TRIP12: variants seen among roughly 807,000 people sequenced by gnomAD.
TRIP12 encodes E3 ubiquitin-protein ligase TRIP12.
A neutral mutation model predicts 244.2 loss-of-function variants in TRIP12; 25 were observed. The ratio of observed to expected loss-of-function variants is 0.10; its 90% CI spans 0.07 to 0.14. The LOEUF (loss-of-function observed/expected upper bound fraction) is 0.14, where lower values mean the gene tolerates loss of function less well. TRIP12 is among the 10% of genes least tolerant of loss of function. TRIP12 has a pLI of 1.00. For missense variants in TRIP12, 1,677 were observed against 2,486.4 expected (o/e 0.67, Z 6.92); for synonymous variants, 905 against 873.1 (o/e 1.04, Z -0.64).
intron 2 of TRIP12, among the ~76,000 whole-genome samples, chr2:229,864,043 AGAGAGTGT>A (rs1465524020): frequency 0.022 from 1,576 of 71,834 alleles, 24 homozygotes; most frequent in African/African-American, 0.074. Flanking sequence ...AGAGAGAGAG[AGAGAGTGT>A]GTGTGTGTGT....
Position 229,809,252 on chromosome 2 carries a change from T to C in TRIP12, c.2222-883A>G, listed in dbSNP as rs201704655. On this transcript the variant is annotated intron_variant, in intron 15 of 41. Transcript: ENST00000675903. ...TAAGATTTTTTTTTTAATTACAGTT[T>C]TGCAACTTTATAGAGAAGTTTGAAT... Among the ~76,000 whole-genome samples, 9 of 152,316 alleles carry C rather than the reference T, an allele frequency of 5.9e-5. No individual in the cohort carries two copies. In the East Asian group the frequency reaches 1.3e-3, roughly 23 times the overall value.
At chr2:229,781,105 G>A (rs913273297) in intron 34 of TRIP12, among the ~76,000 whole-genome samples, 3 of 152,184 alleles carry the variant, frequency 2.0e-5, no homozygotes, top group Non-Finnish European at 4.4e-5. Flanking sequence ...TCCTCTGTGA[G>A]CCTCTGCAGA....
chr2:229,839,405 C>T (rs566715003), intron 5 of TRIP12, among the ~76,000 whole-genome samples: 8 of 152,100 alleles, frequency 5.3e-5, no homozygotes, highest in South Asian at 2.1e-4. Flanking sequence ...TGGCCGGGCA[C>T]GGTGGCTCAC....
At chr2:229,842,395 C>T (rs2056643489) in intron 4 of TRIP12, among the ~76,000 whole-genome samples, 1 of 152,136 alleles carries the variant, frequency 6.6e-6, no homozygotes, top group Admixed American at 6.5e-5. Context: ...CTTGGTAATA[C>T]ATTTGGCTAA....
intron 1 of TRIP12, among the ~76,000 whole-genome samples, chr2:229,886,247 A>G (rs1004111450): frequency 6.6e-6 from 1 of 152,222 alleles, no homozygotes; most frequent in Non-Finnish European, 1.5e-5. Flanking sequence ...GAACAGCACA[A>G]TGCAGTTTAT....
chr2:229,852,665 C>G (rs141849258), intron 4 of TRIP12, among the ~76,000 whole-genome samples: 4 of 152,260 alleles, frequency 2.6e-5, no homozygotes, highest in African/African-American at 9.6e-5. Context: ...TGACCTTTGT[C>G]TCAGAGCTGT....
intron 2 of TRIP12, among the ~76,000 whole-genome samples, chr2:229,875,551 G>A (rs2063433377): frequency 6.6e-6 from 1 of 152,190 alleles, no homozygotes; most frequent in South Asian, 2.1e-4. Context: ...AAGGTACACT[G>A]ACTTTACAGT....
intron 1 of TRIP12, among the ~76,000 whole-genome samples, chr2:229,887,900 G>T (rs546805059): frequency 2.0e-4 from 31 of 152,298 alleles, no homozygotes; most frequent in Admixed American, 7.8e-4. Flanking sequence ...TAAGTCTGGA[G>T]AAATACAGTT....
At chr2:229,785,207 G>T (rs1185368389) in intron 34 of TRIP12, among the ~76,000 whole-genome samples, 1 of 152,196 alleles carries the variant, frequency 6.6e-6, no homozygotes, top group Non-Finnish European at 1.5e-5. Flanking sequence ...CATACTGCAT[G>T]ACTCCATTTA....
Position 229,815,089 on chromosome 2 carries a change from G to C in TRIP12, c.1731+10C>G, listed in dbSNP as rs926139362. ...CTGCTTTTGAACAAACGGGGTAAAA[G>C]TAGGATCACCTTTTCTAAAAAGACA... On this transcript the variant is annotated intron_variant, in intron 11 of 41. Coordinates refer to ENST00000675903, the MANE Select transcript of TRIP12 (RefSeq NM_001348323.3). 5.0e-6 allele frequency: 8 copies of C among 1,601,492 alleles called. No individual in the cohort carries two copies. Among genetic ancestry groups the C allele is most frequent in the South Asian group, 1.1e-5 (1 of 88,398 alleles).
chr2:229,863,728 C>G (rs1206312812), intron 2 of TRIP12, among the ~76,000 whole-genome samples: 1 of 152,108 alleles, frequency 6.6e-6, no homozygotes. Context: ...ATAATGATGT[C>G]CAATCTGGAA....
At chr2:229,850,573 C>T (rs2058463937) in intron 4 of TRIP12, among the ~76,000 whole-genome samples, 1 of 152,324 alleles carries the variant, frequency 6.6e-6, no homozygotes, top group African/African-American at 2.4e-5. Flanking sequence ...TCACAGCCCT[C>T]GCTCGCTCTC....
In TRIP12 at chr2:229,767,399, G is replaced by A. The variant is rs2032126429; in HGVS notation, c.*155C>T. 1 of 824,700 alleles carries A rather than the reference G, an allele frequency of 1.2e-6. No individual in the cohort carries two copies. Among genetic ancestry groups the A allele is most frequent in the East Asian group, 2.9e-5 (1 of 34,294 alleles). The allele number at this position is 824,700 out of a possible 1,614,324, so 51.1% of individuals were successfully genotyped here. On this transcript the variant is annotated 3_prime_UTR_variant, in exon 42 of 42. Transcript: ENST00000675903. Reference sequence around the variant, plus strand: ...ACTTTAAGTCCATGGGGCCATTAATGAATATCAACCAAATGTCTCTTTATA... The same window carrying A: ...ACTTTAAGTCCATGGGGCCATTAATAAATATCAACCAAATGTCTCTTTATA...
intron 4 of TRIP12, among the ~76,000 whole-genome samples, chr2:229,845,219 G>C (rs990699105): frequency 1.3e-5 from 2 of 152,150 alleles, no homozygotes; most frequent in Admixed American, 6.5e-5. Flanking sequence ...GCATTCTCTT[G>C]GCTTTACCAC....
intron 8 of TRIP12, among the ~76,000 whole-genome samples, chr2:229,819,042 A>C (rs756554526): frequency 2.1e-4 from 8 of 37,886 alleles, no homozygotes; most frequent in Non-Finnish European, 6.6e-4. Flanking sequence ...AATAAAAACC[A>C]CACACACACA....
chr2:229,846,421 A>AT (rs1295644114), intron 4 of TRIP12, among the ~76,000 whole-genome samples: 1 of 152,184 alleles, frequency 6.6e-6, no homozygotes, highest in Non-Finnish European at 1.5e-5. Flanking sequence ...ATCATTAGCA[A>AT]TTTTTAGCAA....
rs2047929534 is a variant in TRIP12, at chr2:229,814,137, A to G, written c.1824+96T>C. The G allele has an allele frequency of 5.2e-6, 8 of 1,533,652 alleles. No individual in the cohort carries two copies. In the East Asian group the frequency reaches 1.8e-4, roughly 35 times the overall value. On this transcript the variant is annotated intron_variant, in intron 12 of 41. Transcript: ENST00000675903. ...ACATTACTCTGGAAACAACATTTGTATCTTACAAAAACTGCAATCAAGTAG... is the reference window on the plus strand; with the variant it reads ...ACATTACTCTGGAAACAACATTTGTGTCTTACAAAAACTGCAATCAAGTAG...
intron 32 of TRIP12, among the ~76,000 whole-genome samples, chr2:229,788,338 A>G (rs1302975446): frequency 1.3e-5 from 2 of 152,194 alleles, no homozygotes; most frequent in Non-Finnish European, 2.9e-5. Context: ...TCCTGAAACC[A>G]GCCCTATCTC....
chr2:229,889,535 G>C (rs540210415), intron 1 of TRIP12, among the ~76,000 whole-genome samples: 1 of 152,244 alleles, frequency 6.6e-6, no homozygotes, highest in South Asian at 2.1e-4. Context: ...AATTTTAACA[G>C]GTCTACAATC....
Sources: gnomAD v4.1 joint callset for allele counts (sites outside exome capture counted in the v4.1 genomes callset) on GRCh38, gnomAD v4.1.1 for gene constraint, MANE v1.5 for transcripts, NCBI Gene and HGNC (gene_info 2026-07-23, HGNC 2026-07-21) for gene names.